Variants in OLFM3 observed in about 807,000 individuals in gnomAD.
OLFM3 encodes the protein olfactomedin 3, also known as noelin-3.
In OLFM3, 20 loss-of-function variants were observed where a neutral mutation model predicts 48.6. That is an observed-to-expected ratio of 0.41 (90% CI 0.29 to 0.60). The LOEUF (loss-of-function observed/expected upper bound fraction) is 0.60. OLFM3 is among the 20% of genes least tolerant of loss of function. The pLI, the probability that OLFM3 is intolerant of heterozygous loss-of-function variation, is 0.28. For synonymous variants in OLFM3, 222 were observed against 198.1 expected (o/e 1.12, Z -1.01); for missense variants, 437 against 544.3 (o/e 0.80, Z 1.96).
chr1:101,896,488 CTTTTTTTTTTTT>C (rs35260761), intron 1 of OLFM3, among the ~76,000 whole-genome samples: 2 of 76,686 alleles, frequency 2.6e-5, no homozygotes, highest in African/African-American at 5.8e-5. Context: ...TGCTTACACA[CTTTTTTTTTTTT>C]TTTTTTTTTT....
intron 1 of OLFM3, among the ~76,000 whole-genome samples, chr1:101,839,811 C>A (rs1655620403): frequency 6.6e-6 from 1 of 152,142 alleles, no homozygotes; most frequent in South Asian, 2.1e-4. Context: ...AAACTAAAGA[C>A]TCCAGACTTG....
At chr1:101,936,973 T>C (rs1251194404) in intron 1 of OLFM3, among the ~76,000 whole-genome samples, 2 of 152,078 alleles carry the variant, frequency 1.3e-5, no homozygotes, top group African/African-American at 4.8e-5. Context: ...TCAAGATGTA[T>C]TAAAGACATA....
chr1:101,992,099 A>G (rs1192320305), intron 1 of OLFM3, among the ~76,000 whole-genome samples: 2 of 152,154 alleles, frequency 1.3e-5, no homozygotes, highest in Non-Finnish European at 2.9e-5. Context: ...ATCTATGTAT[A>G]TCATCAATAG....
intron 1 of OLFM3, among the ~76,000 whole-genome samples, chr1:101,991,015 AAATATATATAT>A (rs1359190548): frequency 1.0e-5 from 1 of 98,278 alleles, no homozygotes; most frequent in Non-Finnish European, 2.1e-5. Context: ...AAAAAAAAAA[AAATATATATAT>A]ATATATATAT....
intron 1 of OLFM3, among the ~76,000 whole-genome samples, chr1:101,906,985 T>C (rs1256579983): frequency 2.0e-5 from 3 of 152,224 alleles, no homozygotes; most frequent in Non-Finnish European, 4.4e-5. Context: ...ATTTACATTT[T>C]GTATTTTTCA....
At position 101,931,922 on chromosome 1, in the gene OLFM3, A is replaced by C. The variant is rs553222107; in HGVS notation, c.69+64826T>G. Among the ~76,000 whole-genome samples, 14 of 152,280 alleles carry C rather than the reference A, an allele frequency of 9.2e-5. No homozygotes were observed. The East Asian group carries it at 2.7e-3, about 29-fold the overall frequency. Reference sequence around the variant, plus strand: ...CAGGGCAGCACATCACCCGGGACACACTCATCTTGTTCTCACATGATCAAC... The same window carrying C: ...CAGGGCAGCACATCACCCGGGACACCCTCATCTTGTTCTCACATGATCAAC... On this transcript the variant is annotated intron_variant, in intron 1 of 5. Transcript: ENST00000370103.
At chr1:101,858,405 C>G (rs2100958764) in intron 1 of OLFM3, among the ~76,000 whole-genome samples, 1 of 152,114 alleles carries the variant, frequency 6.6e-6, no homozygotes, top group East Asian at 1.9e-4. Flanking sequence ...TTAACTCTGA[C>G]TCAAGATCTC....
rs551883311 is a variant in OLFM3, at chr1:101,870,750, A to C, written c.70-33725T>G. Among the ~76,000 whole-genome samples, 15 of 152,166 alleles carry C rather than the reference A, an allele frequency of 9.9e-5. 1 individual carries two copies. The South Asian group carries it at 3.1e-3, about 32-fold the overall frequency. Reference sequence around the variant, plus strand: ...AGTGGCTTCCTGTGGGGGTGTAGGCAGAAAGGTCAGAATTATAATACCTAG... The same window carrying C: ...AGTGGCTTCCTGTGGGGGTGTAGGCCGAAAGGTCAGAATTATAATACCTAG... On this transcript the variant is annotated intron_variant, in intron 1 of 5. Transcript: ENST00000370103.
rs781340281 is a variant in OLFM3 at position 101,830,717 on chromosome 1, C to G, written c.327G>C (p.Arg109=). Residue 109 remains arginine, a synonymous_variant, in exon 3 of 6, where the codon CGG becomes CGC. Transcript: ENST00000370103. Reference sequence around the variant, plus strand: ...GTGTCTTTCGATCATCTTCAATCTGCCGAAATTTTGCCTTCAGCCCTTTCA... The same window carrying G: ...GTGTCTTTCGATCATCTTCAATCTGGCGAAATTTTGCCTTCAGCCCTTTCA... ...TQMKGLKAKF[R]QIEDDRKTLM... 6 of 1,614,160 alleles carry G rather than the reference C, an allele frequency of 3.7e-6. No individual in the cohort carries two copies. The highest frequency in any genetic ancestry group is 3.4e-6 in the Non-Finnish European group (4 of 1,180,018).
intron 1 of OLFM3, among the ~76,000 whole-genome samples, chr1:101,858,771 T>A (rs1302423997): frequency 2.0e-5 from 3 of 152,090 alleles, no homozygotes; most frequent in Non-Finnish European, 2.9e-5. Context: ...TAATTGTAAG[T>A]TCTCTGAGGC....
intron 1 of OLFM3, among the ~76,000 whole-genome samples, chr1:101,900,055 G>C (rs373480028): frequency 6.6e-6 from 1 of 152,058 alleles, no homozygotes; most frequent in Admixed American, 6.6e-5. Flanking sequence ...AATATTATAG[G>C]ATATTCCCTT....
intron 1 of OLFM3, among the ~76,000 whole-genome samples, chr1:101,970,482 A>G (rs12048155): frequency 0.25 from 37,733 of 152,154 alleles, 5,253 homozygotes; most frequent in Middle Eastern, 0.36. Context: ...TCTCCCTTTC[A>G]TCTACCCCTC....
At chr1:101,921,160 CAATT>C (rs1472000947) in intron 1 of OLFM3, among the ~76,000 whole-genome samples, 6 of 150,044 alleles carry the variant, frequency 4.0e-5, no homozygotes, top group African/African-American at 9.8e-5. Flanking sequence ...AGATATATAA[CAATT>C]AAATTATTAG....
At position 101,836,928 on chromosome 1, in the gene OLFM3, A is replaced by T. The variant is rs1219885911; in HGVS notation, c.167T>A (p.Leu56Gln). ...CCTGCTTTTGGCATCCCGGGAACACAGGTTTTGTTCTGGAGCAACAACTGT... is the reference window on the plus strand; with the variant it reads ...CCTGCTTTTGGCATCCCGGGAACACTGGTTTTGTTCTGGAGCAACAACTGT... ...ICTVVAPEQN[L>Q]CSRDAKSRQL... Residue 56 changes from leucine (L) to glutamine (Q), a missense_variant, in exon 2 of 6, where the codon CTG (leucine) becomes CAG (glutamine). Transcript: ENST00000370103. The T allele has an allele frequency of 6.2e-7, 1 of 1,614,148 alleles. No individual in the cohort carries two copies. Among genetic ancestry groups the T allele is most frequent in the South Asian group, 1.1e-5 (1 of 91,082 alleles).
chr1:101,811,900 G>A (rs1447284156), intron 4 of OLFM3, among the ~76,000 whole-genome samples: 4 of 152,022 alleles, frequency 2.6e-5, no homozygotes, highest in Admixed American at 6.6e-5. Context: ...TGTTTATTGC[G>A]GCACTATTCA....
chr1:101,828,835 C>T (rs80297308), intron 3 of OLFM3, among the ~76,000 whole-genome samples: 2,537 of 152,196 alleles, frequency 0.017, 36 homozygotes, highest in Non-Finnish European at 0.021. Flanking sequence ...TCTACTTTGC[C>T]GATGACCTCA....
chr1:101,878,700 G>T (rs1657397598), intron 1 of OLFM3, among the ~76,000 whole-genome samples: 2 of 151,814 alleles, frequency 1.3e-5, no homozygotes, highest in South Asian at 4.1e-4. Flanking sequence ...TTGAACAATG[G>T]CAACAGAGTT....
chr1:101,913,645 C>T (rs148641803), intron 1 of OLFM3, among the ~76,000 whole-genome samples: 68 of 151,246 alleles, frequency 4.5e-4, no homozygotes, highest in South Asian at 1.9e-3. Context: ...CTATTGCCAT[C>T]CAGAGGCTGA....
chr1:101,937,493 G>A (rs780448480), intron 1 of OLFM3, among the ~76,000 whole-genome samples: 6 of 152,070 alleles, frequency 3.9e-5, no homozygotes, highest in Admixed American at 6.6e-5. Context: ...GGTCTTTCTC[G>A]TGCTGTACTT....
Sources: gnomAD v4.1 joint callset for allele counts (sites outside exome capture counted in the v4.1 genomes callset) on GRCh38, gnomAD v4.1.1 for gene constraint, MANE v1.5 for transcripts, NCBI Gene and HGNC (gene_info 2026-07-23, HGNC 2026-07-21) for gene names.